The following PRSS38 variants were observed in gnomAD, a reference collection of about 807,000 sequenced individuals.
PRSS38 encodes the protein marapsin 2.
PRSS38 carries 22 observed loss-of-function variants against 26.8 expected under a neutral mutation model. The observed-to-expected ratio is 0.82, with a 90% CI of 0.59 to 1.17. PRSS38 has a LOEUF of 1.17. Among genes scored for constraint, PRSS38 ranks in the 50% most tolerant of loss-of-function variants. The pLI is 0.00. For synonymous variants in PRSS38, 175 were observed against 172.1 expected (o/e 1.02, Z -0.13); for missense variants, 427 against 422.7 (o/e 1.01, Z -0.09).
At chr1:227,844,522 G>C (rs182353165) in intron 3 of PRSS38, among the ~76,000 whole-genome samples, 3 of 151,320 alleles carry the variant, frequency 2.0e-5, no homozygotes, top group African/African-American at 7.3e-5. Flanking sequence ...TCCGGTTTGT[G>C]GTGGAGCTCC....
intron 3 of PRSS38, among the ~76,000 whole-genome samples, chr1:227,826,640 C>T (rs1452870703): frequency 1.3e-5 from 2 of 151,990 alleles, no homozygotes; most frequent in African/African-American, 2.4e-5. Flanking sequence ...CACTTGAACC[C>T]GGGAGGCAGA....
intron 3 of PRSS38, among the ~76,000 whole-genome samples, chr1:227,845,169 C>T (rs1171863949): frequency 7.4e-5 from 10 of 134,978 alleles, no homozygotes; most frequent in African/African-American, 2.9e-4. Flanking sequence ...TGTGGTGAGG[C>T]TCCTCCCTAA....
At chr1:227,821,846 G>T (rs1344148427) in intron 3 of PRSS38, among the ~76,000 whole-genome samples, 1 of 152,094 alleles carries the variant, frequency 6.6e-6, no homozygotes, top group Non-Finnish European at 1.5e-5. Flanking sequence ...AGTTTGTTCA[G>T]TCTGAATTTG....
intron 3 of PRSS38, among the ~76,000 whole-genome samples, chr1:227,822,546 T>C (rs1665017621): frequency 6.6e-6 from 1 of 152,238 alleles, no homozygotes; most frequent in African/African-American, 2.4e-5. Flanking sequence ...GTTTTGATTG[T>C]TGAAAGCTAT....
intron 3 of PRSS38, among the ~76,000 whole-genome samples, chr1:227,844,830 A>T (rs1211690219): frequency 9.3e-6 from 1 of 108,022 alleles, no homozygotes; most frequent in South Asian, 3.3e-4. Context: ...CACCATGGGC[A>T]GTGGGGCTCC....
chr1:227,828,083 A>G (rs1665100986), intron 3 of PRSS38, among the ~76,000 whole-genome samples: 1 of 152,212 alleles, frequency 6.6e-6, no homozygotes, highest in East Asian at 1.9e-4. Context: ...GTTCTTCTGC[A>G]TTCGCTAAGG....
At chr1:227,834,378 A>G (rs1665206539) in intron 3 of PRSS38, among the ~76,000 whole-genome samples, 1 of 152,158 alleles carries the variant, frequency 6.6e-6, no homozygotes, top group Non-Finnish European at 1.5e-5. Context: ...ATGAGCATCA[A>G]AATAAATTGG....
chr1:227,818,311 A>T (rs1664951805), intron 3 of PRSS38, among the ~76,000 whole-genome samples: 1 of 152,176 alleles, frequency 6.6e-6, no homozygotes, highest in Non-Finnish European at 1.5e-5. Context: ...AAAATTATTG[A>T]TTTTATTGAA....
intron 3 of PRSS38, among the ~76,000 whole-genome samples, chr1:227,828,391 A>G (rs1665105082): frequency 6.6e-6 from 1 of 152,128 alleles, no homozygotes; most frequent in Non-Finnish European, 1.5e-5. Flanking sequence ...GTGCATATAT[A>G]TTTAGGATAG....
At chr1:227,817,118 A>G in intron 2 of PRSS38, 91 bp from the exon 3 acceptor site, 1 of 1,336,758 alleles carries the variant, frequency 7.5e-7, no homozygotes, top group East Asian at 2.3e-5. Flanking sequence ...CCACCGAGTG[A>G]GTGCCAGCCC....
exon 1 of PRSS38, chr1:227,815,742 G>A (rs771095640): frequency 1.9e-6 from 3 of 1,602,120 alleles, no homozygotes; most frequent in Admixed American, 1.7e-5. Context: ...TCCGTCATGG[G>A]CCCACTCGGG....
At chr1:227,815,983 G>A in intron 1 of PRSS38, 107 bp from the exon 2 acceptor site, 1 of 1,453,418 alleles carries the variant, frequency 6.9e-7, no homozygotes, top group South Asian at 1.3e-5. Flanking sequence ...CATGTCCCCT[G>A]CCTTCCCTTC....
intron 3 of PRSS38, among the ~76,000 whole-genome samples, chr1:227,817,750 A>C (rs1390767772): frequency 5.3e-5 from 8 of 152,250 alleles, no homozygotes; most frequent in Admixed American, 5.2e-4. Flanking sequence ...GTTTTCCTTA[A>C]GATTGTAAAC....
intron 3 of PRSS38, among the ~76,000 whole-genome samples, chr1:227,827,322 TG>T (rs1256922903): frequency 2.0e-5 from 3 of 152,200 alleles, no homozygotes; most frequent in African/African-American, 7.2e-5. Flanking sequence ...GGGCTTTTTT[TG>T]GTCGGTAGGC....
chr1:227,841,888 T>C (rs1448828865), intron 3 of PRSS38, among the ~76,000 whole-genome samples: 1 of 152,232 alleles, frequency 6.6e-6, no homozygotes, highest in African/African-American at 2.4e-5. Flanking sequence ...GAGGTTTGTT[T>C]GGCTCAGGGT....
At chr1:227,819,894 T>G (rs1231892106) in intron 3 of PRSS38, among the ~76,000 whole-genome samples, 1 of 151,984 alleles carries the variant, frequency 6.6e-6, no homozygotes, top group South Asian at 2.1e-4. Context: ...ATTGAGACTA[T>G]CCTGGCCAAC....
intron 3 of PRSS38, among the ~76,000 whole-genome samples, chr1:227,826,893 G>A (rs367679600): frequency 6.6e-6 from 1 of 152,266 alleles, no homozygotes; most frequent in African/African-American, 2.4e-5. Context: ...ATGAAAGAAT[G>A]TTTAATTTTA....
At position 227,817,202 on chromosome 1, in the gene PRSS38, C is replaced by T; in HGVS notation, c.312-7C>T. 4 of 1,611,274 alleles carry T rather than the reference C, an allele frequency of 2.5e-6. No homozygotes were observed. The highest frequency in any genetic ancestry group is 3.4e-6 in the Non-Finnish European group (4 of 1,177,954). On this transcript the variant is annotated splice_region_variant and splice_polypyrimidine_tract_variant and intron_variant, in intron 2 of 4. Coordinates refer to ENST00000366757, the Ensembl canonical transcript of PRSS38. ...CGGGCATTGTACCTCTGTTCTCACC[C>T]CCACAGGGACAAGAATATCAAAATC...
intron 3 of PRSS38, among the ~76,000 whole-genome samples, chr1:227,829,917 A>G (rs1424177647): frequency 6.6e-6 from 1 of 152,206 alleles, no homozygotes; most frequent in Non-Finnish European, 1.5e-5. Flanking sequence ...TTCACCATCA[A>G]GAATGATGTG....
Sources: allele counts gnomAD v4.1 joint callset (sites outside exome capture counted in the v4.1 genomes callset), GRCh38; gene constraint gnomAD v4.1.1; transcripts MANE v1.5; gene names NCBI Gene and HGNC (gene_info 2026-07-23, HGNC 2026-07-21).